The following SLC16A7 variants were observed in gnomAD, a reference collection of about 807,000 sequenced individuals.
The protein encoded by SLC16A7 is monocarboxylate transporter 2.
A neutral mutation model predicts 34.9 loss-of-function variants in SLC16A7; 33 were observed. The ratio of observed to expected loss-of-function variants is 0.94; its 90% confidence interval spans 0.72 to 1.26. The LOEUF (loss-of-function observed/expected upper bound fraction) is 1.26. Among genes scored for constraint, SLC16A7 ranks in the 50% most tolerant of loss-of-function variants. The pLI, the probability that SLC16A7 is intolerant of heterozygous loss-of-function variation, is 0.00. For synonymous variants in SLC16A7, 201 were observed against 206.6 expected, an observed-to-expected ratio of 0.97 and a Z score of 0.23; for missense variants, 573 against 578.1, an observed-to-expected ratio of 0.99 and a Z score of 0.09.
chr12:59,600,706 A>G (rs1878640957), intron 1 of SLC16A7, among the ~76,000 whole-genome samples: 1 of 152,170 alleles, frequency 6.6e-6, no homozygotes, highest in South Asian at 2.1e-4. Flanking sequence ...GTGGGAGAAA[A>G]TTAAACAAAT....
In SLC16A7 at chr12:59,705,918, A is replaced by G. The variant is rs148413834; in HGVS notation, c.217+900A>G. On this transcript the variant is annotated intron_variant, in intron 3 of 5. Transcript: ENST00000547379. ...GGATAATATGGCTCTTAGTCATGAA[A>G]ATATAACATTAGTATAATATCCAGT... Among the ~76,000 whole-genome samples, 213 of 152,260 alleles carry G rather than the reference A, an allele frequency of 1.4e-3. 1 individual carries two copies. The highest frequency in any genetic ancestry group is 6.8e-3 in the Middle Eastern group (2 of 294).
chr12:59,746,415 A>G (rs998069062), intron 3 of SLC16A7, among the ~76,000 whole-genome samples: 18 of 152,238 alleles, frequency 1.2e-4, no homozygotes, highest in African/African-American at 4.3e-4. Context: ...GCACCTGAAA[A>G]TGCTAGAAAG....
intron 1 of SLC16A7, among the ~76,000 whole-genome samples, chr12:59,640,122 C>G (rs956634140): frequency 6.6e-6 from 1 of 152,120 alleles, no homozygotes; most frequent in African/African-American, 2.4e-5. Flanking sequence ...CTTTCATGTT[C>G]CCTCTAGGCA....
rs1185740836 is a variant in SLC16A7 at position 59,789,758 on chromosome 12, C to A, written c.*10079C>A. 1 of 151,998 alleles carries A rather than the reference C, an allele frequency of 6.6e-6. No homozygotes were observed. Among genetic ancestry groups the A allele is most frequent in the East Asian group, 1.9e-4 (1 of 5,198 alleles). 9.4% of individuals were successfully genotyped at this position (151,998 alleles called of 1,614,324 possible). ...GGTCTGTGCTGTTTCTTAGAAAGTA[C>A]ATGCATATATATTTCTATAATATGT... On this transcript the variant is annotated 3_prime_UTR_variant, in exon 6 of 6. Coordinates refer to ENST00000547379, the MANE Select transcript of SLC16A7 (RefSeq NM_001270623.2).
Position 59,783,658 on chromosome 12 carries a change from T to A in SLC16A7, c.*3979T>A, listed in dbSNP as rs2137502463. On this transcript the variant is annotated 3_prime_UTR_variant, in exon 6 of 6. Transcript: ENST00000547379. ...TGTAATTTCTTTCTTTCTTTCTTTT[T>A]TTTTTTTTTTGAGACTGAGTCTCGT... The A allele has an allele frequency of 6.6e-6, 1 of 151,530 alleles. No individual in the cohort carries two copies. 9.4% of individuals were successfully genotyped at this position (151,530 alleles called of 1,614,324 possible). A position where few individuals can be genotyped will look rare whatever the true frequency, so the allele number is the denominator to read the frequency against.
At chr12:59,628,189 A>G (rs888105925) in intron 1 of SLC16A7, among the ~76,000 whole-genome samples, 2 of 151,828 alleles carry the variant, frequency 1.3e-5, no homozygotes, top group African/African-American at 4.8e-5. Flanking sequence ...TTACTAAAAG[A>G]CAAATTTAAT....
chr12:59,615,378 G>A (rs535436992), intron 1 of SLC16A7, among the ~76,000 whole-genome samples: 3 of 151,798 alleles, frequency 2.0e-5, no homozygotes, highest in South Asian at 4.2e-4. Context: ...ACCACACATC[G>A]TTCACCAATT....
intron 2 of SLC16A7, among the ~76,000 whole-genome samples, chr12:59,693,120 T>G (rs991014704): frequency 5.3e-5 from 8 of 152,000 alleles, no homozygotes; most frequent in Non-Finnish European, 8.8e-5. Flanking sequence ...ATAAGTAGGA[T>G]GTAGAGAAAA....
chr12:59,731,926 G>C (rs1876998837), intron 3 of SLC16A7, among the ~76,000 whole-genome samples: 1 of 152,132 alleles, frequency 6.6e-6, no homozygotes. Context: ...TTTGTTCACT[G>C]TAAAATAAGG....
intron 2 of SLC16A7, among the ~76,000 whole-genome samples, chr12:59,700,966 A>T (rs1749791661): frequency 6.6e-6 from 1 of 151,700 alleles, no homozygotes; most frequent in South Asian, 2.1e-4. Context: ...TACTCCATGC[A>T]ATTTTTTTCG....
At chr12:59,740,362 C>T (rs1005857645) in intron 3 of SLC16A7, among the ~76,000 whole-genome samples, 21 of 151,962 alleles carry the variant, frequency 1.4e-4, no homozygotes, top group South Asian at 2.1e-4. Flanking sequence ...TGTAGATATG[C>T]GGCGTTATTT....
Position 59,645,646 on chromosome 12 carries a change from A to G in SLC16A7, c.-129-9506A>G, listed in dbSNP as rs149116505. Among the ~76,000 whole-genome samples, 510 of 152,248 alleles carry G rather than the reference A, an allele frequency of 3.3e-3. 4 individuals are homozygous for G. The highest frequency in any genetic ancestry group is 0.017 in the Middle Eastern group (5 of 294). ...CTCATACCAGCATGAGAACAGATTA[A>G]TACAGTAAATTAGAACCACAGAGAG... On this transcript the variant is annotated intron_variant, in intron 1 of 5. Transcript: ENST00000547379.
chr12:59,597,555 C>T lies in SLC16A7; in HGVS notation c.-130+1319C>T, dbSNP rs1364378730. On this transcript the variant is annotated intron_variant, in intron 1 of 5. Coordinates refer to ENST00000547379, the MANE Select transcript of SLC16A7 (RefSeq NM_001270623.2). ...AGGTTAGCTTGAATGTGTTGTGTTACTGGAACCACAAGCACTAAGTATGCA... is the reference window on the plus strand; with the variant it reads ...AGGTTAGCTTGAATGTGTTGTGTTATTGGAACCACAAGCACTAAGTATGCA... Among the ~76,000 whole-genome samples, 4 of 152,180 alleles carry T rather than the reference C, an allele frequency of 2.6e-5. No individual in the cohort carries two copies. In the South Asian group the frequency reaches 8.3e-4, roughly 31 times the overall value.
intron 3 of SLC16A7, among the ~76,000 whole-genome samples, chr12:59,769,646 G>C (rs1050708891): frequency 2.0e-5 from 3 of 151,858 alleles, no homozygotes; most frequent in African/African-American, 4.8e-5. Context: ...ATAGTATTAG[G>C]CACTGAAGTT....
In SLC16A7 at chr12:59,735,859, T is replaced by C. The variant is rs143309748; in HGVS notation, c.217+30841T>C. 6.2e-4 allele frequency: 442 copies of C among 714,646 alleles called. 3 individuals are homozygous for C. The African/African-American group carries it at 6.5e-3, about 11-fold the overall frequency. 44.3% of individuals were successfully genotyped at this position (714,646 alleles called of 1,614,324 possible). A position where few individuals can be genotyped will look rare whatever the true frequency, so the allele number is the denominator to read the frequency against. ...GAAGATTGCCATATATTTAAAAACATACCAACATTAGAATAAAACTAACCT... is the reference window on the plus strand; with the variant it reads ...GAAGATTGCCATATATTTAAAAACACACCAACATTAGAATAAAACTAACCT... On this transcript the variant is annotated intron_variant, in intron 3 of 5. Coordinates refer to ENST00000547379, the MANE Select transcript of SLC16A7 (RefSeq NM_001270623.2).
chr12:59,736,003 G>T, intron 3 of SLC16A7: 1 of 790,990 alleles, frequency 1.3e-6, no homozygotes, highest in Non-Finnish European at 1.8e-6. Flanking sequence ...CAAGATTTTG[G>T]TAGAAACATT....
chr12:59,644,358 G>A (rs58475293), intron 1 of SLC16A7, among the ~76,000 whole-genome samples: 3,303 of 152,136 alleles, frequency 0.022, 114 homozygotes, highest in African/African-American at 0.075. Context: ...CTTGATGTCA[G>A]GAGTTCGAGA....
intron 2 of SLC16A7, among the ~76,000 whole-genome samples, chr12:59,666,513 G>C (rs1355126234): frequency 1.3e-5 from 2 of 152,154 alleles, no homozygotes; most frequent in Non-Finnish European, 2.9e-5. Flanking sequence ...ATCCCCACCT[G>C]TTGTGGGAGG....
At chr12:59,627,649 ACTAT>A (rs936593249) in intron 1 of SLC16A7, among the ~76,000 whole-genome samples, 16 of 151,832 alleles carry the variant, frequency 1.1e-4, no homozygotes, top group Admixed American at 1.1e-3. Flanking sequence ...TATACATTTG[ACTAT>A]CTATCTTTCT....
Sources: gnomAD v4.1 joint callset for allele counts (sites outside exome capture counted in the v4.1 genomes callset) on GRCh38, gnomAD v4.1.1 for gene constraint, MANE v1.5 for transcripts, NCBI Gene and HGNC (gene_info 2026-07-23, HGNC 2026-07-21) for gene names.